Variants in LDB2 observed in about 807,000 individuals in gnomAD.
LDB2 encodes LIM domain binding 2.
A neutral mutation model predicts 44.3 loss-of-function variants in LDB2; 12 were observed. The ratio of observed to expected loss-of-function variants is 0.27; its 90% CI spans 0.17 to 0.44. The LOEUF is 0.44. Among genes scored for constraint, LDB2 ranks in the 20% least tolerant of loss-of-function variants. LDB2 has a pLI of 1.00. For missense variants in LDB2, 344 were observed against 473.5 expected (o/e 0.73, Z 2.54); for synonymous variants, 164 against 174.8 (o/e 0.94, Z 0.49).
intron 2 of LDB2, among the ~76,000 whole-genome samples, chr4:16,635,367 C>T (rs1733299395): frequency 6.6e-6 from 1 of 152,130 alleles, no homozygotes; most frequent in Non-Finnish European, 1.5e-5. Context: ...TGGATTCCAG[C>T]TCATGAATTA....
chr4:16,763,397 A>G (rs1380582064), intron 1 of LDB2, among the ~76,000 whole-genome samples: 1 of 144,272 alleles, frequency 6.9e-6, no homozygotes, highest in Non-Finnish European at 1.5e-5. Context: ...CATTCTGTGT[A>G]TTTAAATTGT....
intron 5 of LDB2, among the ~76,000 whole-genome samples, chr4:16,549,214 C>T (rs1050048819): frequency 1.3e-5 from 2 of 152,212 alleles, no homozygotes; most frequent in African/African-American, 4.8e-5. Context: ...GCCCAGCACA[C>T]AGCTTTTAGG....
At chr4:16,706,214 C>A (rs1411280236) in intron 2 of LDB2, among the ~76,000 whole-genome samples, 1 of 152,132 alleles carries the variant, frequency 6.6e-6, no homozygotes, top group Non-Finnish European at 1.5e-5. Flanking sequence ...TCACTACTTC[C>A]ACCCCCAAAT....
intron 1 of LDB2, among the ~76,000 whole-genome samples, chr4:16,777,092 T>TGGGA (rs1772091763): frequency 6.6e-6 from 1 of 152,090 alleles, no homozygotes; most frequent in Non-Finnish European, 1.5e-5. Flanking sequence ...TCCTGAAGAA[T>TGGGA]GGGAGGGAGG....
chr4:16,742,591 A>G (rs1763531188), intron 2 of LDB2, among the ~76,000 whole-genome samples: 1 of 152,202 alleles, frequency 6.6e-6, no homozygotes, highest in Non-Finnish European at 1.5e-5. Context: ...AAGGGTGACT[A>G]TGGTGATAGG....
intron 2 of LDB2, among the ~76,000 whole-genome samples, chr4:16,683,866 C>T (rs539115063): frequency 5.0e-4 from 76 of 152,204 alleles, no homozygotes; most frequent in Non-Finnish European, 8.1e-4. Context: ...CCTGTGGCCC[C>T]ATCACCTGCA....
At chr4:16,555,366 C>T (rs1739190207) in intron 5 of LDB2, among the ~76,000 whole-genome samples, 1 of 152,078 alleles carries the variant, frequency 6.6e-6, no homozygotes, top group Non-Finnish European at 1.5e-5. Context: ...ATGGTACCGC[C>T]CTGCGAATGC....
chr4:16,799,133 A>G (rs889937771), intron 1 of LDB2, among the ~76,000 whole-genome samples: 3 of 152,194 alleles, frequency 2.0e-5, no homozygotes, highest in Non-Finnish European at 4.4e-5. Flanking sequence ...GATTACAGGC[A>G]TGAGCCACCG....
intron 1 of LDB2, among the ~76,000 whole-genome samples, chr4:16,868,168 T>A (rs933744122): frequency 6.6e-6 from 1 of 152,204 alleles, no homozygotes; most frequent in Non-Finnish European, 1.5e-5. Context: ...ATCACCCATT[T>A]TATTTTACTT....
intron 2 of LDB2, among the ~76,000 whole-genome samples, chr4:16,681,616 T>C (rs930420747): frequency 1.5e-5 from 2 of 136,014 alleles, no homozygotes; most frequent in Non-Finnish European, 3.2e-5. Context: ...TTGTATTCTA[T>C]TCTTTTTTTT....
At chr4:16,761,356 C>T (rs924265388) in intron 1 of LDB2, among the ~76,000 whole-genome samples, 2 of 152,130 alleles carry the variant, frequency 1.3e-5, no homozygotes, top group Non-Finnish European at 2.9e-5. Flanking sequence ...TAGGATTCAG[C>T]AAGAGGGGAG....
At chr4:16,726,342 T>C (rs958393239) in intron 2 of LDB2, 1 of 152,168 alleles carries the variant, frequency 6.6e-6, no homozygotes, top group African/African-American at 2.4e-5. Flanking sequence ...TACCTCTGAA[T>C]ACCAATGATA....
chr4:16,543,573 T>C (rs1332391662), intron 5 of LDB2, among the ~76,000 whole-genome samples: 3 of 152,222 alleles, frequency 2.0e-5, no homozygotes, highest in African/African-American at 7.2e-5. Context: ...AATGTCTTCT[T>C]TTGAGAAGTG....
chr4:16,867,139 A>G (rs2110313513), intron 1 of LDB2, among the ~76,000 whole-genome samples: 1 of 152,316 alleles, frequency 6.6e-6, no homozygotes, highest in South Asian at 2.1e-4. Context: ...TCAGGAGCCA[A>G]CATCAACTGC....
chr4:16,605,963 T>C (rs531837497), intron 2 of LDB2, among the ~76,000 whole-genome samples: 64 of 152,236 alleles, frequency 4.2e-4, no homozygotes, highest in Middle Eastern at 6.8e-3. Flanking sequence ...AATATCAAAC[T>C]TTATTTGTTT....
chr4:16,613,907 GAAAA>G (rs1560635156), intron 2 of LDB2, among the ~76,000 whole-genome samples: 1 of 152,058 alleles, frequency 6.6e-6, no homozygotes, highest in Non-Finnish European at 1.5e-5. Context: ...CACAGAATTA[GAAAA>G]AAACTATTTT....
chr4:16,571,378 GTT>G (rs1019144681), intron 5 of LDB2, among the ~76,000 whole-genome samples: 1 of 151,492 alleles, frequency 6.6e-6, no homozygotes. Context: ...GTCCAGGAGG[GTT>G]TTTGATCCCA....
intron 2 of LDB2, chr4:16,653,959 A>G (rs1739014158): frequency 6.6e-6 from 1 of 152,204 alleles, no homozygotes. Context: ...TCTAAACCTC[A>G]CATTAAAAAA....
chr4:16,831,967 TCA>T (rs1784140688), intron 1 of LDB2, among the ~76,000 whole-genome samples: 1 of 152,160 alleles, frequency 6.6e-6, no homozygotes, highest in Non-Finnish European at 1.5e-5. Context: ...CTGGCAGAAA[TCA>T]GGAAAGATGC....
Sources: allele counts gnomAD v4.1 joint callset (sites outside exome capture counted in the v4.1 genomes callset), GRCh38; gene constraint gnomAD v4.1.1; transcripts MANE v1.5; gene names NCBI Gene and HGNC (gene_info 2026-07-23, HGNC 2026-07-21).